The following COL5A2 variants were observed in gnomAD, a reference collection of about 807,000 sequenced individuals.
COL5A2 encodes collagen type V alpha 2 chain.
In COL5A2, 23 loss-of-function variants were observed where a neutral mutation model predicts 208.2. The observed-to-expected ratio is 0.11, with a 90% confidence interval of 0.08 to 0.16. The LOEUF is 0.16. Ranked by LOEUF, COL5A2 falls within the 10% of genes least tolerant of loss-of-function variation. The probability of loss-of-function intolerance (pLI) is 1.00; values close to 1 mark genes in which losing one functional copy is unlikely to be tolerated. For synonymous variants in COL5A2, 625 were observed against 628.5 expected (o/e 0.99, Z 0.08); for missense variants, 1,590 against 1,956.4 (o/e 0.81, Z 3.53).
the COL5A2 span, among the ~76,000 whole-genome samples, chr2:189,394,520 G>T: frequency 6.6e-6 from 1 of 152,156 alleles, no homozygotes; most frequent in Non-Finnish European, 1.5e-5. Flanking sequence ...CATATTCTCT[G>T]TCTGCAAACC....
intron 18 of COL5A2, among the ~76,000 whole-genome samples, chr2:189,070,875 T>A (rs115638064): frequency 6.6e-6 from 1 of 151,982 alleles, no homozygotes; most frequent in Non-Finnish European, 1.5e-5. Flanking sequence ...CCCACTTGAG[T>A]TCACATTGAG....
At chr2:189,364,748 T>C in the COL5A2 span, among the ~76,000 whole-genome samples, 1 of 150,864 alleles carries the variant, frequency 6.6e-6, no homozygotes, top group African/African-American at 2.4e-5. Context: ...AACTTGAAAA[T>C]TCTAATAGAA....
rs776780834 is a variant in COL5A2 at position 189,063,155 on chromosome 2, T to C, written c.1869+17A>G. On this transcript the variant is annotated intron_variant, in intron 27 of 53. Transcript: ENST00000374866. ...GGATCATGATGAGGTGGCCAACATA[T>C]TATACACTGTACTCACACTGCTACC... is the stretch of plus-strand genomic sequence containing the variant. 37 of 1,612,934 alleles carry C rather than the reference T, an allele frequency of 2.3e-5. No homozygotes were observed. Among genetic ancestry groups the C allele is most frequent in the Middle Eastern group, 1.6e-4 (1 of 6,084 alleles).
the COL5A2 span, among the ~76,000 whole-genome samples, chr2:189,273,601 T>C: frequency 6.6e-6 from 1 of 152,224 alleles, no homozygotes; most frequent in South Asian, 2.1e-4. Flanking sequence ...TCAGCCTAAG[T>C]GTCCATCAAG....
the COL5A2 span, among the ~76,000 whole-genome samples, chr2:189,231,949 A>G: frequency 1.3e-5 from 2 of 151,644 alleles, no homozygotes; most frequent in Non-Finnish European, 2.9e-5. Flanking sequence ...ACACAGCAAG[A>G]GAGTAAACAT....
chr2:189,184,282 A>T (rs1003061383), upstream of COL5A2, among the ~76,000 whole-genome samples: 1 of 152,122 alleles, frequency 6.6e-6, no homozygotes, highest in Non-Finnish European at 1.5e-5. Flanking sequence ...GAAAAAAAAA[A>T]AATCACCAGA....
the COL5A2 span, among the ~76,000 whole-genome samples, chr2:189,255,989 C>T: frequency 2.0e-5 from 3 of 152,248 alleles, no homozygotes; most frequent in East Asian, 1.9e-4. Context: ...TAGCATGGAA[C>T]GGCCAGAGGA....
the COL5A2 span, among the ~76,000 whole-genome samples, chr2:189,304,584 A>C: frequency 6.6e-6 from 1 of 152,136 alleles, no homozygotes; most frequent in South Asian, 2.1e-4. Flanking sequence ...ACTTTAAAAC[A>C]ATCAGATCTC....
At chr2:189,291,199 G>A in the COL5A2 span, among the ~76,000 whole-genome samples, 41 of 152,078 alleles carry the variant, frequency 2.7e-4, no homozygotes, top group Non-Finnish European at 4.7e-4. Flanking sequence ...TATGCACTTT[G>A]GGTATAGTTA....
chr2:189,311,935 C>T, the COL5A2 span: 3 of 779,978 alleles, frequency 3.8e-6, no homozygotes, highest in African/African-American at 5.1e-5. Context: ...GAGCCTCGAT[C>T]TCTGTCTCCA....
the COL5A2 span, among the ~76,000 whole-genome samples, chr2:189,249,978 G>A: frequency 2.0e-5 from 3 of 152,218 alleles, no homozygotes; most frequent in African/African-American, 2.4e-5. Flanking sequence ...GATCATAGGC[G>A]TGAGCCACTG....
rs1033553150 is a variant in COL5A2 at position 189,035,170 on chromosome 2, A to C, written c.4114-15T>G. The C allele has an allele frequency of 6.2e-7, 1 of 1,613,674 alleles. No individual in the cohort carries two copies. Among genetic ancestry groups the C allele is most frequent in the Non-Finnish European group, 8.5e-7 (1 of 1,179,788 alleles). ...CCATAAGCGAACTAGAAAAACAAAG[A>C]GTCTTTGTCATACACAAGACTGAAG... On this transcript the variant is annotated splice_polypyrimidine_tract_variant and intron_variant, in intron 52 of 53. Coordinates refer to ENST00000374866, the MANE Select transcript of COL5A2 (RefSeq NM_000393.5).
chr2:189,194,681 T>G (rs1688975248), intron 1 of COL5A2, among the ~76,000 whole-genome samples: 1 of 152,230 alleles, frequency 6.6e-6, no homozygotes, highest in Admixed American at 6.5e-5. Context: ...GCACTGGATT[T>G]CAATGGGAAT....
At chr2:189,061,679 T>G in intron 29 of COL5A2, 64 bp from the exon 30 acceptor site, 1 of 1,167,528 alleles carries the variant, frequency 8.6e-7, no homozygotes, top group Non-Finnish European at 1.3e-6. Flanking sequence ...CCTCTCTACG[T>G]GAACCACTAG....
chr2:189,038,644 C>T (rs572331334), intron 51 of COL5A2, among the ~76,000 whole-genome samples: 2 of 152,312 alleles, frequency 1.3e-5, no homozygotes, highest in Admixed American at 6.5e-5. Context: ...ACATTCCCAC[C>T]AATAAGTGTA....
At chr2:189,233,590 T>A in the COL5A2 span, among the ~76,000 whole-genome samples, 1 of 151,790 alleles carries the variant, frequency 6.6e-6, no homozygotes, top group African/African-American at 2.4e-5. Flanking sequence ...TTCTTTCAAC[T>A]CAATATTTTC....
chr2:189,039,715 T>C (rs530300052), intron 50 of COL5A2, 152 bp from the exon 51 acceptor site: 1 of 684,402 alleles, frequency 1.5e-6, no homozygotes, highest in Non-Finnish European at 2.4e-6. Context: ...TAGATGGGGG[T>C]GGTCTAACAG....
At position 189,104,129 on chromosome 2, in the gene COL5A2, A is replaced by G. The variant is rs547088697; in HGVS notation, c.336+135T>C. The G allele has an allele frequency of 6.9e-6, 5 of 725,466 alleles. 1 individual carries two copies. In the South Asian group the frequency reaches 7.2e-5, roughly 10 times the overall value. The allele number at this position is 725,466 out of a possible 1,614,324, so 44.9% of individuals were successfully genotyped here. A position where few individuals can be genotyped will look rare whatever the true frequency, so the allele number is the denominator to read the frequency against. ...AACACAGTAGCTGAACTGTGCTTAT[A>G]TACTTGTCACAATGTATTTGTATGG... is the stretch of plus-strand genomic sequence containing the variant. On this transcript the variant is annotated intron_variant, in intron 3 of 53. Coordinates refer to ENST00000374866, the MANE Select transcript of COL5A2 (RefSeq NM_000393.5).
the COL5A2 span, among the ~76,000 whole-genome samples, chr2:189,294,075 G>A: frequency 5.5e-5 from 8 of 144,614 alleles, no homozygotes; most frequent in East Asian, 6.3e-4. Flanking sequence ...GCGACAGAGC[G>A]AGACTCCGTC....
Sources: gnomAD v4.1 joint callset for allele counts (sites outside exome capture counted in the v4.1 genomes callset) on GRCh38, gnomAD v4.1.1 for gene constraint, MANE v1.5 for transcripts, NCBI Gene and HGNC (gene_info 2026-07-23, HGNC 2026-07-21) for gene names.